Variants in PCDHGA7 observed in about 807,000 individuals in gnomAD.
The protein encoded by PCDHGA7 is protocadherin gamma subfamily A, 7, also known as protocadherin gamma-A7.
In PCDHGA7, 44 loss-of-function variants were observed where a neutral mutation model predicts 58.3. That is an observed-to-expected ratio of 0.75 (90% CI 0.59 to 0.97). The LOEUF is 0.97. PCDHGA7 is among the 50% of genes least tolerant of loss of function. PCDHGA7 has a pLI of 0.00. For synonymous variants in PCDHGA7, 516 were observed against 504.2 expected (o/e 1.02, Z -0.31); for missense variants, 1,266 against 1,188.7 (o/e 1.06, Z -0.96).
chr5:141,410,158 G>T (rs755466762), intron 1 of PCDHGA7: 2 of 1,613,516 alleles, frequency 1.2e-6, no homozygotes, highest in Non-Finnish European at 8.5e-7. Context: ...GTGGACAGCC[G>T]CCACTCTCTG....
chr5:141,390,723 A>G (rs2092214355), intron 1 of PCDHGA7: 1 of 196,804 alleles, frequency 5.1e-6, no homozygotes, highest in Non-Finnish European at 1.0e-5. Context: ...TAACTAATTT[A>G]ACTGGTATGG....
At chr5:141,478,090 C>T in intron 1 of PCDHGA7, 2 of 1,614,108 alleles carry the variant, frequency 1.2e-6, no homozygotes, top group Non-Finnish European at 1.7e-6. Flanking sequence ...CGCTCTCCAC[C>T]ACTGCTACCC....
In PCDHGA7 at chr5:141,445,037, GT is replaced by G. The variant is rs2098454887; in HGVS notation, c.2425-49766del. 5.3e-5 allele frequency among the ~76,000 whole-genome samples: 8 copies of G among 152,072 alleles called. No homozygotes were observed. In the South Asian group the frequency reaches 1.7e-3, roughly 32 times the overall value. On this transcript the variant is annotated intron_variant, in intron 1 of 3. Transcript: ENST00000518325. ...TAATTTCTCTCAGCTATGTTGTATAGTTTTCAGTGTAGAGAGGTCATGTATA... is the reference window on the plus strand; with the variant it reads ...TAATTTCTCTCAGCTATGTTGTATAGTTTCAGTGTAGAGAGGTCATGTATA...
In PCDHGA7 at chr5:141,476,476, C is replaced by T; in HGVS notation, c.2425-18331C>T. 6.2e-7 allele frequency: 1 copy of T among 1,613,986 alleles called. No homozygotes were observed. The highest frequency in any genetic ancestry group is 8.5e-7 in the Non-Finnish European group (1 of 1,179,992). On this transcript the variant is annotated intron_variant, in intron 1 of 3. Transcript: ENST00000518325. The surrounding 1 kb of genome is among the most constrained non-coding windows in gnomAD (Gnocchi z 7.6). Reference sequence around the variant, plus strand: ...TGGAGAACCCGCTGGAGCTGTTCAGCGTGGAAGTGGTGATCCAGGACATCA... The same window carrying T: ...TGGAGAACCCGCTGGAGCTGTTCAGTGTGGAAGTGGTGATCCAGGACATCA...
chr5:141,400,678 TTG>T, intron 1 of PCDHGA7: 1 of 882,002 alleles, frequency 1.1e-6, no homozygotes, highest in Non-Finnish European at 1.7e-6. Flanking sequence ...GAGCAGTAAA[TTG>T]TGAGTTTTTA....
intron 1 of PCDHGA7, chr5:141,399,208 C>G: frequency 6.2e-7 from 1 of 1,613,958 alleles, no homozygotes; most frequent in Non-Finnish European, 8.5e-7. Context: ...GCCTGGAACA[C>G]TAATTGCTTT....
At chr5:141,452,490 C>A (rs2098742307) in intron 1 of PCDHGA7, among the ~76,000 whole-genome samples, 1 of 152,188 alleles carries the variant, frequency 6.6e-6, no homozygotes, top group East Asian at 1.9e-4. Flanking sequence ...TAAACACACC[C>A]ATATTTATAT....
chr5:141,483,736 G>A (rs1296877404), intron 1 of PCDHGA7, among the ~76,000 whole-genome samples: 1 of 152,110 alleles, frequency 6.6e-6, no homozygotes, highest in Non-Finnish European at 1.5e-5. Flanking sequence ...ATAGTCAAAA[G>A]GATATTCCTG....
At position 141,491,065 on chromosome 5, in the gene PCDHGA7, C is replaced by T; in HGVS notation, c.2425-3742C>T. On this transcript the variant is annotated intron_variant, in intron 1 of 3. Transcript: ENST00000518325. This position sits in a 1 kb window ranked among gnomAD's most constrained non-coding sequence, Gnocchi z 6.9. ...CCACAATGCGTGGCTCTCCTACTCA[C>T]TGTTGCCACAGTCCACAGCCCCAGG... 4 of 1,614,210 alleles carry T rather than the reference C, an allele frequency of 2.5e-6. No individual in the cohort carries two copies. Among genetic ancestry groups the T allele is most frequent in the Admixed American group, 1.7e-5 (1 of 60,030 alleles).
intron 1 of PCDHGA7, among the ~76,000 whole-genome samples, chr5:141,438,587 CATACATAT>C (rs1166583123): frequency 1.2e-4 from 9 of 73,430 alleles, no homozygotes; most frequent in Non-Finnish European, 1.6e-4. Flanking sequence ...TACATACATA[CATACATAT>C]ATATATATAT....
intron 1 of PCDHGA7, chr5:141,419,955 T>C: frequency 1.9e-6 from 3 of 1,614,096 alleles, no homozygotes; most frequent in Non-Finnish European, 2.5e-6. Flanking sequence ...TTGGCCTTGA[T>C]TTCTGTGCTC....
intron 1 of PCDHGA7, chr5:141,415,172 T>G (rs770772038): frequency 1.2e-6 from 2 of 1,613,882 alleles, no homozygotes; most frequent in Non-Finnish European, 1.7e-6. Context: ...ACGCTCACCG[T>G]GGCCGTGGCC....
intron 1 of PCDHGA7, among the ~76,000 whole-genome samples, chr5:141,465,205 G>A (rs1460694369): frequency 6.6e-6 from 1 of 151,892 alleles, no homozygotes; most frequent in Admixed American, 6.6e-5. Flanking sequence ...AAAAATATAA[G>A]CTTTATTTTT....
intron 1 of PCDHGA7, chr5:141,417,798 C>G (rs2096163233): frequency 6.7e-7 from 1 of 1,486,352 alleles, no homozygotes; most frequent in African/African-American, 1.4e-5. Flanking sequence ...GCTCTTTTAG[C>G]GCGGTAGAGT....
chr5:141,511,007 G>A lies in PCDHGA7; in HGVS notation c.2633G>A (p.Arg878His), dbSNP rs780918754. The change falls in exon 4 of 4, where the codon CGC becomes CAC. Residue 878 changes from arginine to histidine, a missense_variant. Physicochemically the swap from Arg to His is conservative, Grantham distance 29 (BLOSUM62 0). Transcript: ENST00000518325. ...GCCGGCACCATGGGATTGAGCGCCC[G>A]CTACGGACCCCAGTTCACCCTGCAG... is the stretch of plus-strand genomic sequence containing the variant. ...GGAGTMGLSA[R>H]YGPQFTLQHV... 1.9e-6 allele frequency: 3 copies of A among 1,614,158 alleles called. No individual in the cohort carries two copies. Among genetic ancestry groups the A allele is most frequent in the East Asian group, 4.5e-5 (2 of 44,890 alleles).
At chr5:141,497,245 G>T (rs779763574) in intron 2 of PCDHGA7, among the ~76,000 whole-genome samples, 2 of 152,138 alleles carry the variant, frequency 1.3e-5, no homozygotes, top group Non-Finnish European at 2.9e-5. Flanking sequence ...TCTAGGAGGA[G>T]GTGACATTGA....
chr5:141,485,106 T>A lies in PCDHGA7; in HGVS notation c.2425-9701T>A, dbSNP rs2099607051. 8.3e-7 allele frequency: 1 copy of A among 1,206,448 alleles called. No individual in the cohort carries two copies. Among genetic ancestry groups the A allele is most frequent in the Admixed American group, 1.8e-5 (1 of 55,050 alleles). 74.7% of individuals were successfully genotyped at this position (1,206,448 alleles called of 1,614,324 possible). On this transcript the variant is annotated intron_variant, in intron 1 of 3. Coordinates refer to ENST00000518325, the MANE Select transcript of PCDHGA7 (RefSeq NM_018920.4). The surrounding 1 kb of genome is among the most constrained non-coding windows in gnomAD (Gnocchi z 5.7). ...GGGAGATAGGTGTCTCCAGCTGCTG[T>A]GGCTGTTTGGGGCGGGTCGGCTTCA...
chr5:141,453,205 G>A lies in PCDHGA7; in HGVS notation c.2425-41602G>A, dbSNP rs570291941. On this transcript the variant is annotated intron_variant, in intron 1 of 3. Coordinates refer to ENST00000518325, the MANE Select transcript of PCDHGA7 (RefSeq NM_018920.4). ...CACAGCTCACTGCAGCCTCAACCTC[G>A]TGCACTTAAGCGATCCTCCCACCTC... Among the ~76,000 whole-genome samples the A allele has an allele frequency of 1.1e-4, 17 of 151,990 alleles. No individual in the cohort carries two copies. In the East Asian group the frequency reaches 2.5e-3, roughly 22 times the overall value.
rs1421541308 is a variant in PCDHGA7 at position 141,409,559 on chromosome 5, G to C, written c.2424+24236G>C. On this transcript the variant is annotated intron_variant, in intron 1 of 3. Coordinates refer to ENST00000518325, the MANE Select transcript of PCDHGA7 (RefSeq NM_018920.4). The stretch of plus-strand genomic sequence containing the variant: ...CATCAACGACAACGCCCCAGTTTTC[G>C]ACCAGACGTCCTACGTGGTCCACGT... The C allele has an allele frequency of 1.9e-6, 3 of 1,613,936 alleles. No individual in the cohort carries two copies. The highest frequency in any genetic ancestry group is 1.7e-6 in the Non-Finnish European group (2 of 1,179,910).
Sources: allele counts gnomAD v4.1 joint callset (sites outside exome capture counted in the v4.1 genomes callset), GRCh38; gene constraint gnomAD v4.1.1; non-coding constraint Gnocchi (gnomAD v3.1); transcripts MANE v1.5; gene names NCBI Gene and HGNC (gene_info 2026-07-23, HGNC 2026-07-21).